The following CCDC91 variants were observed in gnomAD, a reference collection of about 807,000 sequenced individuals.
CCDC91 encodes the protein coiled-coil domain-containing protein 91.
In CCDC91, 48 loss-of-function variants were observed where a neutral mutation model predicts 63.2. That is an observed-to-expected ratio of 0.76 (90% confidence interval 0.60 to 0.97). CCDC91 has a LOEUF of 0.97. Among genes scored for constraint, CCDC91 ranks in the 50% least tolerant of loss-of-function variants. The probability of loss-of-function intolerance (pLI) is 0.00; values close to 1 mark genes in which losing one functional copy is unlikely to be tolerated. For synonymous variants in CCDC91, 167 were observed against 165.8 expected (o/e 1.01, Z -0.06); for missense variants, 500 against 494.6 (o/e 1.01, Z -0.10).
chr12:28,194,682 T>C (rs372022464), intron 1 of CCDC91, among the ~76,000 whole-genome samples: 2 of 151,508 alleles, frequency 1.3e-5, no homozygotes, highest in East Asian at 3.9e-4. Context: ...GCTTCAGGAG[T>C]GAAGCTGCAG....
intron 1 of CCDC91, among the ~76,000 whole-genome samples, chr12:28,206,797 C>T (rs1291834542): frequency 6.6e-6 from 1 of 152,136 alleles, no homozygotes; most frequent in Non-Finnish European, 1.5e-5. Flanking sequence ...GTATATAAAG[C>T]CTATCATGCT....
chr12:28,343,284 TG>T (rs1346538187), intron 6 of CCDC91, among the ~76,000 whole-genome samples: 2 of 151,806 alleles, frequency 1.3e-5, no homozygotes, highest in African/African-American at 4.8e-5. Context: ...AACAGCATAA[TG>T]TAATATATAC....
intron 12 of CCDC91, among the ~76,000 whole-genome samples, chr12:28,522,567 A>G (rs891283867): frequency 7.9e-5 from 12 of 151,664 alleles, no homozygotes; most frequent in Admixed American, 3.3e-4. Context: ...CTGTGTCTCT[A>G]TCTCCTTCAG....
chr12:28,344,600 A>G (rs1301292274), intron 6 of CCDC91, among the ~76,000 whole-genome samples: 2 of 152,206 alleles, frequency 1.3e-5, no homozygotes, highest in Non-Finnish European at 2.9e-5. Context: ...CATCAAAAAT[A>G]AAAGGAAGAC....
chr12:28,533,435 A>G (rs936426078), intron 12 of CCDC91, among the ~76,000 whole-genome samples: 25 of 152,162 alleles, frequency 1.6e-4, no homozygotes, highest in African/African-American at 5.8e-4. Flanking sequence ...AATATGTACT[A>G]TCTTTGAATC....
At chr12:28,230,608 AT>A (rs991446782) in intron 1 of CCDC91, among the ~76,000 whole-genome samples, 4 of 151,916 alleles carry the variant, frequency 2.6e-5, no homozygotes, top group Admixed American at 6.6e-5. Flanking sequence ...TATGTATTTG[AT>A]TTTTTTTAAA....
chr12:28,362,948 A>T (rs10506030), intron 7 of CCDC91, among the ~76,000 whole-genome samples: 4,799 of 152,148 alleles, frequency 0.032, 123 homozygotes, highest in South Asian at 0.13. Flanking sequence ...AGAAATTATC[A>T]TGTCAGTATC....
At chr12:28,292,291 C>T (rs891214477) in intron 3 of CCDC91, among the ~76,000 whole-genome samples, 4 of 152,142 alleles carry the variant, frequency 2.6e-5, no homozygotes, top group Non-Finnish European at 5.9e-5. Context: ...TAGCAACAAC[C>T]TAATACAAAT....
chr12:28,507,905 G>C (rs528771691), intron 12 of CCDC91, among the ~76,000 whole-genome samples: 1 of 152,074 alleles, frequency 6.6e-6, no homozygotes, highest in South Asian at 2.1e-4. Flanking sequence ...CCCTTAAGGA[G>C]CTCTGGAGCT....
chr12:28,201,821 C>G (rs1315286026), intron 1 of CCDC91, among the ~76,000 whole-genome samples: 2 of 144,964 alleles, frequency 1.4e-5, no homozygotes, highest in African/African-American at 5.0e-5. Flanking sequence ...CGGCTAGGAG[C>G]TGGAGACCAG....
At chr12:28,372,113 G>A (rs1365180075) in intron 7 of CCDC91, among the ~76,000 whole-genome samples, 1 of 151,998 alleles carries the variant, frequency 6.6e-6, no homozygotes, top group Non-Finnish European at 1.5e-5. Context: ...CTCAATTTAT[G>A]TTTTTGTATG....
At chr12:28,396,821 G>A (rs1372478869) in intron 8 of CCDC91, among the ~76,000 whole-genome samples, 1 of 152,038 alleles carries the variant, frequency 6.6e-6, no homozygotes, top group Non-Finnish European at 1.5e-5. Context: ...CTTAAGACAC[G>A]AAGCATGGTT....
At chr12:28,355,766 T>A (rs1225618344) in intron 6 of CCDC91, among the ~76,000 whole-genome samples, 3 of 152,166 alleles carry the variant, frequency 2.0e-5, no homozygotes, top group Admixed American at 6.5e-5. Context: ...TTTTTAATCC[T>A]GTTTCTGATT....
chr12:28,422,061 G>A (rs1484585800), intron 8 of CCDC91, among the ~76,000 whole-genome samples: 1 of 152,010 alleles, frequency 6.6e-6, no homozygotes, highest in African/African-American at 2.4e-5. Context: ...TTGAAACGGT[G>A]GAAACCTGTA....
chr12:28,344,206 A>T (rs1592372344), intron 6 of CCDC91, among the ~76,000 whole-genome samples: 1 of 152,250 alleles, frequency 6.6e-6, no homozygotes, highest in East Asian at 1.9e-4. Flanking sequence ...AAACTTAAAA[A>T]AATCTTACTT....
intron 6 of CCDC91, among the ~76,000 whole-genome samples, chr12:28,353,035 A>G (rs1489656655): frequency 2.0e-5 from 3 of 152,182 alleles, no homozygotes; most frequent in East Asian, 1.9e-4. Context: ...TTCATCCACT[A>G]TATTAGCTAG....
At chr12:28,267,835 TTA>T (rs1491577592) in intron 3 of CCDC91, among the ~76,000 whole-genome samples, 10 of 18,142 alleles carry the variant, frequency 5.5e-4, no homozygotes, top group Admixed American at 1.0e-3. Context: ...TAATATATAA[TTA>T]TATATAATTA....
intron 12 of CCDC91, among the ~76,000 whole-genome samples, chr12:28,502,017 A>C (rs907691031): frequency 1.3e-5 from 2 of 151,936 alleles, no homozygotes; most frequent in Admixed American, 1.3e-4. Context: ...GTATTCTCTG[A>C]TGGTAGTTTG....
chr12:28,430,492 A>G, intron 8 of CCDC91, among the ~76,000 whole-genome samples: 1 of 152,132 alleles, frequency 6.6e-6, no homozygotes, highest in Non-Finnish European at 1.5e-5. Flanking sequence ...TAGACATTAC[A>G]TTGAATTTGT....
Sources: allele counts gnomAD v4.1 joint callset (sites outside exome capture counted in the v4.1 genomes callset), GRCh38; gene constraint gnomAD v4.1.1; transcripts MANE v1.5; gene names NCBI Gene and HGNC (gene_info 2026-07-23, HGNC 2026-07-21).